GDA: variants seen among roughly 807,000 people sequenced by gnomAD.
GDA encodes cytoplasmic PSD-95 interactor.
GDA carries 18 observed loss-of-function variants against 59.6 expected under a neutral mutation model. That is an observed-to-expected ratio of 0.30 (90% CI 0.21 to 0.45). The LOEUF is 0.45. GDA is among the 20% of genes least tolerant of loss of function. The pLI, the probability that GDA is intolerant of heterozygous loss-of-function variation, is 1.00. For synonymous variants in GDA, 201 were observed against 201.1 expected, an observed-to-expected ratio of 1.00 and a Z score of 0.00; for missense variants, 427 against 552.3, an observed-to-expected ratio of 0.77 and a Z score of 2.27.
rs146181068 is a variant in GDA, at chr9:72,162,263, A to G, written c.123+12581A>G. Among the ~76,000 whole-genome samples the G allele has an allele frequency of 5.5e-3, 833 of 152,294 alleles. 6 individuals carry two copies. Among genetic ancestry groups the G allele is most frequent in the African/African-American group, 0.019 (771 of 41,558 alleles). On this transcript the variant is annotated intron_variant, in intron 1 of 13. Coordinates refer to ENST00000358399, the MANE Select transcript of GDA (RefSeq NM_004293.5). Reference sequence around the variant, plus strand: ...TTAGGGATAAAATGGTAAGCAAAAGAGATGCGGTTCCTGCCTTATTTGCAC... The same window carrying G: ...TTAGGGATAAAATGGTAAGCAAAAGGGATGCGGTTCCTGCCTTATTTGCAC...
At chr9:72,147,571 A>C (rs150875478), upstream of GDA, among the ~76,000 whole-genome samples, 2 of 152,092 alleles carry the variant, frequency 1.3e-5, no homozygotes, top group East Asian at 3.9e-4. Flanking sequence ...TAACTGTATA[A>C]TGTTCTATCA....
chr9:72,245,452 T>C (rs1250826855), intron 12 of GDA, among the ~76,000 whole-genome samples, 174 bp downstream of exon 12: 3 of 152,232 alleles, frequency 2.0e-5, no homozygotes, highest in African/African-American at 7.2e-5. Flanking sequence ...ATGTTAAGAA[T>C]AATGGTGTTA....
chr9:72,158,246 T>A (rs1425097184), intron 1 of GDA, among the ~76,000 whole-genome samples: 1 of 152,150 alleles, frequency 6.6e-6, no homozygotes, highest in Admixed American at 6.5e-5. Flanking sequence ...AAAACTCTGC[T>A]ACTTACTAGG....
chr9:72,125,354 C>G (rs1295349287), intron 1 of GDA, among the ~76,000 whole-genome samples: 5 of 136,580 alleles, frequency 3.7e-5, no homozygotes, highest in Non-Finnish European at 6.3e-5. Flanking sequence ...CTTCCTCTCT[C>G]TCTCTCTCTT....
chr9:72,213,773 G>A (rs1835720177), intron 4 of GDA, 113 bp from the exon 5 acceptor site: 6 of 601,032 alleles, frequency 1.0e-5, no homozygotes, highest in Admixed American at 2.8e-5. Flanking sequence ...ACTGCAATCT[G>A]GCCTGGGCTA....
chr9:72,203,819 T>C (rs534232678), intron 3 of GDA, among the ~76,000 whole-genome samples: 7 of 152,170 alleles, frequency 4.6e-5, no homozygotes, highest in South Asian at 4.1e-4. Flanking sequence ...GCTTTTTTTT[T>C]TTCTTCTTTT....
chr9:72,228,098 C>A, intron 9 of GDA, 58 bp downstream of exon 9: 1 of 951,724 alleles, frequency 1.1e-6, no homozygotes, highest in Non-Finnish European at 1.7e-6. Flanking sequence ...GATTAGCAGC[C>A]AAATGCCTTT....
chr9:72,203,230 C>T (rs1168612764), intron 3 of GDA, among the ~76,000 whole-genome samples: 1 of 152,140 alleles, frequency 6.6e-6, no homozygotes, highest in Non-Finnish European at 1.5e-5. Context: ...GTGCCTAGCA[C>T]ATGGTGGGAG....
chr9:72,190,462 T>C (rs1832396352), intron 1 of GDA, among the ~76,000 whole-genome samples: 2 of 152,232 alleles, frequency 1.3e-5, no homozygotes, highest in Non-Finnish European at 2.9e-5. Flanking sequence ...TAGTGAAGAA[T>C]ACAGTATATA....
rs1833800933 is a variant in GDA at position 72,200,217 on chromosome 9, C to T, written c.213-2354C>T. Among the ~76,000 whole-genome samples, 5 of 152,076 alleles carry T rather than the reference C, an allele frequency of 3.3e-5. No homozygotes were observed. The South Asian group carries it at 8.3e-4, about 25-fold the overall frequency. ...TTCACCGTGTTAGCCAGGATGGTCT[C>T]GATCTCCTGACCTCGTGATCTGCCC... On this transcript the variant is annotated intron_variant, in intron 2 of 13. Transcript: ENST00000358399.
intron 1 of GDA, among the ~76,000 whole-genome samples, chr9:72,165,499 A>C (rs1235738039): frequency 1.3e-5 from 2 of 152,218 alleles, no homozygotes; most frequent in Non-Finnish European, 2.9e-5. Context: ...AAACAAACAA[A>C]ACCAGGTAAG....
chr9:72,238,165 TTATGAA>T (rs1240088512), intron 10 of GDA, among the ~76,000 whole-genome samples: 1 of 152,194 alleles, frequency 6.6e-6, no homozygotes, highest in Non-Finnish European at 1.5e-5. Context: ...TGGCTATCTT[TTATGAA>T]TAGATATGGC....
At chr9:72,193,898 A>T (rs541053348) in intron 1 of GDA, 1 of 132,912 alleles carries the variant, frequency 7.5e-6, no homozygotes, top group South Asian at 2.1e-4. Flanking sequence ...TTGAAGGTGG[A>T]GGAGCCTTAC....
chr9:72,223,236 T>C lies in GDA; in HGVS notation c.714+9T>C, dbSNP rs963917247. 6 of 1,484,582 alleles carry C rather than the reference T, an allele frequency of 4.0e-6. No homozygotes were observed. The highest frequency in any genetic ancestry group is 1.7e-4 in the Middle Eastern group (1 of 5,856). 92.0% of individuals were successfully genotyped at this position (1,484,582 alleles called of 1,614,324 possible). On this transcript the variant is annotated intron_variant, in intron 7 of 13. Coordinates refer to ENST00000358399, the MANE Select transcript of GDA (RefSeq NM_004293.5). ...GTGATTTGCACATTCAGGTGGGTAT[T>C]CTTCTTCTCTTTATGCCTCTATGCA...
chr9:72,175,156 A>G (rs571192118), intron 1 of GDA, among the ~76,000 whole-genome samples: 1 of 152,216 alleles, frequency 6.6e-6, no homozygotes, highest in East Asian at 1.9e-4. Flanking sequence ...AACCATTGCC[A>G]TTGAGTTTTT....
intron 1 of GDA, among the ~76,000 whole-genome samples, chr9:72,166,988 G>A (rs555562891): frequency 2.0e-5 from 3 of 152,174 alleles, no homozygotes; most frequent in Non-Finnish European, 2.9e-5. Flanking sequence ...GACAGGCAAA[G>A]ATGATTTTGA....
rs1410097506 is a variant in GDA, at chr9:72,214,044, C to G, written c.578+53C>G. 8.0e-6 allele frequency: 8 copies of G among 998,336 alleles called. No individual in the cohort carries two copies. In the Admixed American group the frequency reaches 1.4e-4, roughly 17 times the overall value. The allele number at this position is 998,336 out of a possible 1,614,324, so 61.8% of individuals were successfully genotyped here. A position where few individuals can be genotyped will look rare whatever the true frequency, so the allele number is the denominator to read the frequency against. Reference sequence around the variant, plus strand: ...CTTACAGGTGAATTCCTGTGCTGCACTGATGGAGTTAGAGATGGAAAAAGG... The same window carrying G: ...CTTACAGGTGAATTCCTGTGCTGCAGTGATGGAGTTAGAGATGGAAAAAGG... On this transcript the variant is annotated intron_variant, in intron 5 of 13. Transcript: ENST00000358399.
chr9:72,140,344 T>C (rs1044504198), intron 1 of GDA, among the ~76,000 whole-genome samples: 10 of 152,022 alleles, frequency 6.6e-5, no homozygotes, highest in Admixed American at 6.6e-5. Context: ...CGTCAGAGAA[T>C]GGAGTCTGTG....
At chr9:72,131,713 T>C (rs185813733) in intron 1 of GDA, among the ~76,000 whole-genome samples, 1 of 152,094 alleles carries the variant, frequency 6.6e-6, no homozygotes, top group East Asian at 1.9e-4. Context: ...TCATGTACTC[T>C]CTTCAGGGTG....
Sources: allele counts gnomAD v4.1 joint callset (sites outside exome capture counted in the v4.1 genomes callset), GRCh38; gene constraint gnomAD v4.1.1; transcripts MANE v1.5; gene names NCBI Gene and HGNC (gene_info 2026-07-23, HGNC 2026-07-21).